PTPRD: variants seen among roughly 807,000 people sequenced by gnomAD.
PTPRD encodes protein tyrosine phosphatase receptor type D.
Under a neutral mutation model 214.5 loss-of-function variants are expected in PTPRD, and 34 were observed. The ratio of observed to expected loss-of-function variants is 0.16; its 90% CI spans 0.12 to 0.21. The LOEUF (loss-of-function observed/expected upper bound fraction) is 0.21, where lower values mean the gene tolerates loss of function less well. Ranked by LOEUF, PTPRD falls within the 10% of genes least tolerant of loss-of-function variation. The pLI is 1.00. For synonymous variants in PTPRD, 1,128 were observed against 845.7 expected, an observed-to-expected ratio of 1.33 and a Z score of -5.79; for missense variants, 2,545 against 2,398.7, an observed-to-expected ratio of 1.06 and a Z score of -1.27.
Position 9,684,584 on chromosome 9 carries a change from T to G in PTPRD, c.-287+49949A>C, listed in dbSNP as rs189920870. Among the ~76,000 whole-genome samples, 49 of 151,800 alleles carry G rather than the reference T, an allele frequency of 3.2e-4. No homozygotes were observed. In the East Asian group the frequency reaches 5.4e-3, roughly 17 times the overall value. Reference sequence around the variant, plus strand: ...AATACTTGGGAGGAGACTGAGTGGGTAGGCAGGAACTTCCTTCTTAAATAT... The same window carrying G: ...AATACTTGGGAGGAGACTGAGTGGGGAGGCAGGAACTTCCTTCTTAAATAT... On this transcript the variant is annotated intron_variant, in intron 7 of 45. Transcript: ENST00000381196.
intron 13 of PTPRD, 148 bp downstream of exon 13, chr9:8,636,551 T>G (rs2096441393): frequency 9.3e-7 from 1 of 1,069,996 alleles, no homozygotes; most frequent in African/African-American, 1.6e-5. Flanking sequence ...AAAAGCCATT[T>G]AGAGTTACAT....
chr9:9,082,996 A>C (rs572907285), intron 10 of PTPRD, among the ~76,000 whole-genome samples: 2 of 152,302 alleles, frequency 1.3e-5, no homozygotes, highest in South Asian at 2.1e-4. Context: ...TTATAGATTC[A>C]ATGCTATTCC....
chr9:8,533,539 G>C (rs2076225777), intron 14 of PTPRD, among the ~76,000 whole-genome samples: 1 of 151,940 alleles, frequency 6.6e-6, no homozygotes, highest in African/African-American at 2.4e-5. Context: ...AGTAATGGCA[G>C]TACAATAAAA....
At chr9:9,395,187 C>CA (rs35523026) in intron 9 of PTPRD, among the ~76,000 whole-genome samples, 42,841 of 141,258 alleles carry the variant, frequency 0.3, 6,690 homozygotes, top group East Asian at 0.45. Flanking sequence ...GAACATGAAA[C>CA]AAAAAAAAAA....
At chr9:9,406,634 C>G (rs529493174) in intron 8 of PTPRD, among the ~76,000 whole-genome samples, 1 of 151,872 alleles carries the variant, frequency 6.6e-6, no homozygotes, top group African/African-American at 2.4e-5. Context: ...CAATACCATT[C>G]CCAAAAGCAA....
chr9:10,077,157 A>T (rs1450903814), intron 3 of PTPRD, among the ~76,000 whole-genome samples: 1 of 152,166 alleles, frequency 6.6e-6, no homozygotes, highest in Non-Finnish European at 1.5e-5. Context: ...GTTATGTAAC[A>T]ATTATGTGAA....
At chr9:9,342,544 G>A (rs185643830) in intron 9 of PTPRD, among the ~76,000 whole-genome samples, 16 of 152,222 alleles carry the variant, frequency 1.1e-4, no homozygotes, top group Admixed American at 5.2e-4. Flanking sequence ...CATGTGTATG[G>A]AAGGGAAAAG....
At chr9:9,482,163 G>A (rs186224808) in intron 8 of PTPRD, among the ~76,000 whole-genome samples, 2 of 151,926 alleles carry the variant, frequency 1.3e-5, no homozygotes, top group East Asian at 3.9e-4. Context: ...ATCTTTTGGG[G>A]AGAGGTGGGG....
chr9:9,089,859 C>T (rs1591433094), intron 10 of PTPRD, among the ~76,000 whole-genome samples: 2 of 152,190 alleles, frequency 1.3e-5, no homozygotes, highest in East Asian at 3.9e-4. Context: ...TAATGCTCTG[C>T]CATATTTACT....
At chr9:9,006,710 A>G (rs1056819497) in intron 11 of PTPRD, among the ~76,000 whole-genome samples, 3 of 152,080 alleles carry the variant, frequency 2.0e-5, no homozygotes, top group Non-Finnish European at 1.5e-5. Context: ...GATATTTTAA[A>G]AAAGTTTCAT....
chr9:9,777,732 G>A (rs2098809776), intron 5 of PTPRD, among the ~76,000 whole-genome samples: 1 of 151,960 alleles, frequency 6.6e-6, no homozygotes, highest in Admixed American at 6.6e-5. Context: ...AAATAACTCT[G>A]GAAACATGTT....
At chr9:10,335,259 AAG>A (rs1178786630) in intron 3 of PTPRD, among the ~76,000 whole-genome samples, 1 of 151,772 alleles carries the variant, frequency 6.6e-6, no homozygotes, top group African/African-American at 2.4e-5. Flanking sequence ...ATGGAACAGA[AAG>A]AGCACCTAGA....
At chr9:8,459,833 G>A (rs747344948) in intron 33 of PTPRD, among the ~76,000 whole-genome samples, 3 of 152,090 alleles carry the variant, frequency 2.0e-5, no homozygotes, top group Non-Finnish European at 4.4e-5. Context: ...GAATTCACCA[G>A]TGCAGATGTG....
At position 10,207,511 on chromosome 9, in the gene PTPRD, ATTCT is replaced by A. The variant is rs1293413865; in HGVS notation, c.-545+133448_-545+133451del. On this transcript the variant is annotated intron_variant, in intron 3 of 45. Transcript: ENST00000381196. ...AATATTTTGTGTAGAACTGGTATTA[ATTCT>A]TTCTAAAATATATAATGCACTAATA... 2.6e-5 allele frequency among the ~76,000 whole-genome samples: 4 copies of A among 152,126 alleles called. No homozygotes were observed. In the East Asian group the frequency reaches 5.8e-4, roughly 22 times the overall value.
intron 2 of PTPRD, among the ~76,000 whole-genome samples, chr9:10,569,028 C>G (rs1277410103): frequency 6.6e-6 from 1 of 151,980 alleles, no homozygotes; most frequent in African/African-American, 2.4e-5. Context: ...ACTCACCTGA[C>G]AAAGGGCTAA....
chr9:9,415,851 G>A (rs1434206251), intron 8 of PTPRD, among the ~76,000 whole-genome samples: 1 of 152,240 alleles, frequency 6.6e-6, no homozygotes, highest in East Asian at 1.9e-4. Context: ...TGATTTCATT[G>A]TCCCGGTTAG....
At chr9:9,277,904 T>G (rs1290389659) in intron 9 of PTPRD, among the ~76,000 whole-genome samples, 4 of 151,398 alleles carry the variant, frequency 2.6e-5, no homozygotes, top group East Asian at 2.0e-4. Context: ...AATAACACAT[T>G]CCTTCCAAAC....
At chr9:9,313,897 G>T (rs1569567288) in intron 9 of PTPRD, among the ~76,000 whole-genome samples, 1 of 151,896 alleles carries the variant, frequency 6.6e-6, no homozygotes, top group South Asian at 2.1e-4. Context: ...ACATATTCAG[G>T]CACACAAGCA....
intron 8 of PTPRD, among the ~76,000 whole-genome samples, chr9:9,421,177 C>T (rs574855637): frequency 1.5e-4 from 22 of 151,586 alleles, no homozygotes; most frequent in Non-Finnish European, 3.1e-4. Flanking sequence ...AAACAATGGC[C>T]CTGCCTTTAT....
Sources: gnomAD v4.1 joint callset for allele counts (sites outside exome capture counted in the v4.1 genomes callset) on GRCh38, gnomAD v4.1.1 for gene constraint, MANE v1.5 for transcripts, NCBI Gene and HGNC (gene_info 2026-07-23, HGNC 2026-07-21) for gene names.